CAPN5: variants seen among roughly 807,000 people sequenced by gnomAD.
The protein encoded by CAPN5 is calpain-5.
A neutral mutation model predicts 73.0 loss-of-function variants in CAPN5; 54 were observed. The ratio of observed to expected loss-of-function variants is 0.74; its 90% CI spans 0.59 to 0.93. The LOEUF is 0.93. Among genes scored for constraint, CAPN5 ranks in the 40% least tolerant of loss-of-function variants. The pLI is 0.00. For synonymous variants in CAPN5, 335 were observed against 356.9 expected (o/e 0.94, Z 0.69); for missense variants, 785 against 882.9 (o/e 0.89, Z 1.41).
intron 3 of CAPN5, among the ~76,000 whole-genome samples, chr11:77,097,439 A>G (rs1950221532): frequency 7.0e-6 from 1 of 142,102 alleles, no homozygotes. Context: ...GATCAGTGTT[A>G]AGGGGTTTCC....
intron 2 of CAPN5, among the ~76,000 whole-genome samples, chr11:77,086,731 C>T (rs1170826616): frequency 6.6e-6 from 1 of 152,240 alleles, no homozygotes; most frequent in Non-Finnish European, 1.5e-5. Context: ...CCCCTGGCTA[C>T]CCCCGTCCTG....
intron 6 of CAPN5, 65 bp downstream of exon 6, chr11:77,115,653 CTT>C: frequency 7.2e-7 from 1 of 1,389,218 alleles, no homozygotes; most frequent in South Asian, 1.3e-5. Flanking sequence ...GGGTGGGCTT[CTT>C]GGAGGAGTTG....
At chr11:77,070,102 G>A (rs138617427) in intron 1 of CAPN5, among the ~76,000 whole-genome samples, 9 of 152,310 alleles carry the variant, frequency 5.9e-5, no homozygotes, top group East Asian at 1.9e-4. Flanking sequence ...AAGGGCCTGG[G>A]TTACTGCTCC....
rs782134580 is a variant in CAPN5, at chr11:77,122,698, C to T, written c.1726C>T (p.Pro576Ser). ...CTTCTACCGCAAGAAGCTGAGCCAG[C>T]CCATCACTGTACAGGTGAGCCCCCT... ...GIFYRKKLSQ[P>S]ITVQVWNHRV... Residue 576 changes from proline to serine, a missense_variant, in exon 12 of 13, where the codon CCC becomes TCC. Pro to Ser is a moderately conservative substitution (Grantham distance 74). Coordinates refer to ENST00000648180, the MANE Select transcript of CAPN5 (RefSeq NM_004055.5). 3.7e-6 allele frequency: 6 copies of T among 1,613,474 alleles called. No homozygotes were observed. The highest frequency in any genetic ancestry group is 5.1e-6 in the Non-Finnish European group (6 of 1,179,966).
At chr11:77,123,616 C>A in intron 12 of CAPN5, 72 bp from the exon 13 acceptor site, 1 of 1,296,884 alleles carries the variant, frequency 7.7e-7, no homozygotes, top group Non-Finnish European at 1.1e-6. Flanking sequence ...CCACCACCAG[C>A]ACCCCCCATA....
intron 1 of CAPN5, among the ~76,000 whole-genome samples, chr11:77,077,901 A>G (rs1555034124): frequency 6.6e-6 from 1 of 152,136 alleles, no homozygotes; most frequent in African/African-American, 2.4e-5. Context: ...GCCCATTTTA[A>G]AATCAGATCA....
intron 3 of CAPN5, among the ~76,000 whole-genome samples, chr11:77,106,289 GTC>G (rs1950348247): frequency 6.7e-6 from 1 of 148,898 alleles, no homozygotes; most frequent in Non-Finnish European, 1.5e-5. Flanking sequence ...TCTCTCAGGG[GTC>G]TCTGCCTCCC....
At chr11:77,068,469 C>T (rs1394382205) in intron 1 of CAPN5, among the ~76,000 whole-genome samples, 1 of 151,992 alleles carries the variant, frequency 6.6e-6, no homozygotes, top group Non-Finnish European at 1.5e-5. Context: ...GGGGCTGGGT[C>T]TTGAAATCCA....
At chr11:77,086,409 G>A (rs561988234) in intron 2 of CAPN5, among the ~76,000 whole-genome samples, 1 of 152,290 alleles carries the variant, frequency 6.6e-6, no homozygotes, top group South Asian at 2.1e-4. Flanking sequence ...GCTGCTAGCA[G>A]GGGTAGTTGA....
At position 77,085,028 on chromosome 11, in the gene CAPN5, G is replaced by A. The variant is rs782484868; in HGVS notation, c.142G>A (p.Ala48Thr). 93 of 1,613,372 alleles carry A rather than the reference G, an allele frequency of 5.8e-5. No homozygotes were observed. Among genetic ancestry groups the A allele is most frequent in the Non-Finnish European group, 7.0e-5 (83 of 1,180,034 alleles). The change falls in exon 2 of 13, where the codon GCC (alanine) becomes ACC (threonine). Residue 48 changes from alanine to threonine, a missense_variant. Coordinates refer to ENST00000648180, the MANE Select transcript of CAPN5 (RefSeq NM_004055.5). ...SLYYKGTPGP[A>T]VRWKRPKGIC... ...CTACTATAAGGGCACGCCGGGGCCC[G>A]CCGTCAGGTGGAAGCGACCCAAGGT...
rs1555041543 is a variant in CAPN5, at chr11:77,115,435, G to A, written c.740G>A (p.Gly247Asp). The A allele has an allele frequency of 6.2e-7, 1 of 1,609,028 alleles. No individual in the cohort carries two copies. Among genetic ancestry groups the A allele is most frequent in the Non-Finnish European group, 8.5e-7 (1 of 1,176,674 alleles). ...GACATGGAGGCCCGCCTGGCGTGCG[G>A]CCTGGTAAAGGGCCACGCATACGCC... ...AADMEARLAC[G>D]LVKGHAYAVT... Residue 247 changes from glycine to aspartate, a missense_variant, in exon 6 of 13, where the codon GGC becomes GAC. Gly to Asp is a moderately conservative substitution (Grantham distance 94, BLOSUM62 -1). Transcript: ENST00000648180.
At chr11:77,107,856 G>T (rs1042003057) in intron 3 of CAPN5, among the ~76,000 whole-genome samples, 3 of 152,156 alleles carry the variant, frequency 2.0e-5, no homozygotes, top group African/African-American at 7.2e-5. Context: ...GGTCATCTCA[G>T]TTCCCTCCCA....
intron 1 of CAPN5, among the ~76,000 whole-genome samples, chr11:77,071,905 T>C (rs1215951729): frequency 3.3e-5 from 5 of 152,146 alleles, no homozygotes; most frequent in African/African-American, 1.2e-4. Flanking sequence ...CCTAGCCAAA[T>C]CCCAGAGCCC....
chr11:77,086,735 C>T (rs1378340558), intron 2 of CAPN5, among the ~76,000 whole-genome samples: 1 of 152,242 alleles, frequency 6.6e-6, no homozygotes, highest in Non-Finnish European at 1.5e-5. Flanking sequence ...TGGCTACCCC[C>T]GTCCTGACTC....
At chr11:77,089,768 A>G (rs1950129902) in intron 2 of CAPN5, among the ~76,000 whole-genome samples, 1 of 152,134 alleles carries the variant, frequency 6.6e-6, no homozygotes, top group Non-Finnish European at 1.5e-5. Flanking sequence ...CAGCTACTCT[A>G]GAGGCTAAGG....
intron 2 of CAPN5, among the ~76,000 whole-genome samples, chr11:77,085,351 T>A (rs1355647453): frequency 6.6e-6 from 1 of 152,178 alleles, no homozygotes; most frequent in African/African-American, 2.4e-5. Context: ...ATTTTTGGAA[T>A]AAAAATGGGG....
intron 1 of CAPN5, among the ~76,000 whole-genome samples, chr11:77,068,018 C>G (rs1218370464): frequency 6.6e-6 from 1 of 152,068 alleles, no homozygotes; most frequent in Non-Finnish European, 1.5e-5. Context: ...GTACTGAGGG[C>G]GACTATCCCA....
Position 77,119,522 on chromosome 11 carries a change from C to A in CAPN5, c.1290+370C>A, listed in dbSNP as rs1950502703. 2.5e-5 allele frequency: 6 copies of A among 239,456 alleles called. No individual in the cohort carries two copies. The Admixed American group carries it at 2.9e-4, about 12-fold the overall frequency. The allele number at this position is 239,456 out of a possible 1,614,324, so 14.8% of individuals were successfully genotyped here. Reference sequence around the variant, plus strand: ...CTCAGGCCTCAGGGCCCCTTGCAGCCCCTTAGCCTTCCTGCATTGGAGGCC... The same window carrying A: ...CTCAGGCCTCAGGGCCCCTTGCAGCACCTTAGCCTTCCTGCATTGGAGGCC... On this transcript the variant is annotated intron_variant, in intron 9 of 12. Coordinates refer to ENST00000648180, the MANE Select transcript of CAPN5 (RefSeq NM_004055.5).
At chr11:77,088,752 T>C (rs1950118545) in intron 2 of CAPN5, among the ~76,000 whole-genome samples, 1 of 152,142 alleles carries the variant, frequency 6.6e-6, no homozygotes, top group Admixed American at 6.5e-5. Context: ...CCAGGTGCCA[T>C]GGATCCAGTC....
Sources: gnomAD v4.1 joint callset for allele counts (sites outside exome capture counted in the v4.1 genomes callset) on GRCh38, gnomAD v4.1.1 for gene constraint, MANE v1.5 for transcripts, NCBI Gene and HGNC (gene_info 2026-07-23, HGNC 2026-07-21) for gene names.